Variants in COQ8A observed in about 807,000 individuals in gnomAD.
The protein encoded by COQ8A is coenzyme Q8A.
Under a neutral mutation model 65.0 loss-of-function variants are expected in COQ8A, and 51 were observed. The ratio of observed to expected loss-of-function variants is 0.78; its 90% CI spans 0.63 to 0.99. The LOEUF (loss-of-function observed/expected upper bound fraction) is 0.99. Ranked by LOEUF, COQ8A falls within the 50% of genes least tolerant of loss-of-function variation. The pLI, the probability that COQ8A is intolerant of heterozygous loss-of-function variation, is 0.00. For synonymous variants in COQ8A, 371 were observed against 353.2 expected (o/e 1.05, Z -0.57); for missense variants, 940 against 875.0 (o/e 1.07, Z -0.94).
intron 4 of COQ8A, among the ~76,000 whole-genome samples, chr1:226,974,516 A>T (rs1386627020): frequency 2.0e-5 from 3 of 152,042 alleles, no homozygotes; most frequent in African/African-American, 4.8e-5. Context: ...GGACCCGGGG[A>T]GTGCCGGCTG....
chr1:226,962,207 C>G (rs1455182415), intron 2 of COQ8A, among the ~76,000 whole-genome samples: 1 of 152,234 alleles, frequency 6.6e-6, no homozygotes, highest in South Asian at 2.1e-4. Context: ...TCTCTGCACT[C>G]CTGACTGGGG....
chr1:226,981,895 GT>G (rs1659718175), intron 5 of COQ8A, 131 bp from the exon 6 acceptor site: 2 of 1,380,260 alleles, frequency 1.4e-6, no homozygotes, highest in East Asian at 4.7e-5. Flanking sequence ...ACAGTAGTTA[GT>G]TATGTTGCTG....
intron 5 of COQ8A, among the ~76,000 whole-genome samples, chr1:226,977,872 A>C (rs1211129437): frequency 6.7e-6 from 1 of 148,526 alleles, no homozygotes; most frequent in African/African-American, 2.5e-5. Context: ...CCCACCGAAC[A>C]CCCGCAGACC....
At chr1:226,983,338 T>TCCCAGG in intron 8 of COQ8A, 1 of 673,202 alleles carries the variant, frequency 1.5e-6, no homozygotes, top group Non-Finnish European at 2.6e-6. Flanking sequence ...CGTGAGCTGT[T>TCCCAGG]CCCAGGGGTG....
At position 226,986,815 on chromosome 1, in the gene COQ8A, G is replaced by T; in HGVS notation, c.*78G>T. The T allele has an allele frequency of 6.5e-7, 1 of 1,535,810 alleles. No individual in the cohort carries two copies. The highest frequency in any genetic ancestry group is 8.8e-7 in the Non-Finnish European group (1 of 1,140,442). ...GCCAAAAACCAGTAGCGAGGTCGTGGTGATGCTCTTTTTAACTCCTTTGCC... is the reference window on the plus strand; with the variant it reads ...GCCAAAAACCAGTAGCGAGGTCGTGTTGATGCTCTTTTTAACTCCTTTGCC... On this transcript the variant is annotated 3_prime_UTR_variant, in exon 15 of 15. Transcript: ENST00000366777.
intron 11 of COQ8A, 73 bp from the exon 12 acceptor site, chr1:226,984,475 T>C: frequency 7.1e-7 from 1 of 1,405,662 alleles, no homozygotes; most frequent in Non-Finnish European, 1.0e-6. Flanking sequence ...GGCAGGGGCT[T>C]CTCTGGCCCC....
At chr1:226,978,466 CCCA>C (rs1431512340) in intron 5 of COQ8A, among the ~76,000 whole-genome samples, 1 of 149,130 alleles carries the variant, frequency 6.7e-6, no homozygotes, top group Non-Finnish European at 1.5e-5. Context: ...ACCCTCCACA[CCCA>C]CCAAATACCT....
chr1:226,978,492 A>G (rs1659433458), intron 5 of COQ8A, among the ~76,000 whole-genome samples: 1 of 134,132 alleles, frequency 7.5e-6, no homozygotes. Flanking sequence ...ACACCTCCTT[A>G]CACATCCTCC....
chr1:226,963,698 AGGTTCAAGC>A (rs1171587860), intron 2 of COQ8A, among the ~76,000 whole-genome samples: 1 of 152,128 alleles, frequency 6.6e-6, no homozygotes, highest in Non-Finnish European at 1.5e-5. Context: ...TCCGCCTCCC[AGGTTCAAGC>A]GATTCTCCTG....
intron 4 of COQ8A, among the ~76,000 whole-genome samples, chr1:226,976,495 G>A (rs1659242953): frequency 6.6e-6 from 1 of 152,126 alleles, no homozygotes; most frequent in Non-Finnish European, 1.5e-5. Flanking sequence ...CCGGCTCATC[G>A]TGCGGCCGCT....
At chr1:226,964,870 C>A in intron 2 of COQ8A, 130 bp from the exon 3 acceptor site, 1 of 1,075,458 alleles carries the variant, frequency 9.3e-7, no homozygotes, top group African/African-American at 1.5e-5. Flanking sequence ...TCAGGTGCAG[C>A]ACTGTGCCAC....
At chr1:226,966,889 T>C (rs1658601793) in intron 4 of COQ8A, among the ~76,000 whole-genome samples, 1 of 152,200 alleles carries the variant, frequency 6.6e-6, no homozygotes, top group Admixed American at 6.5e-5. Context: ...CATTGAATGA[T>C]GGCTGGCCCC....
At chr1:226,966,012 C>T (rs1466678379) in intron 4 of COQ8A, among the ~76,000 whole-genome samples, 2 of 152,258 alleles carry the variant, frequency 1.3e-5, no homozygotes, top group Admixed American at 1.3e-4. Flanking sequence ...GCAGGCCTCG[C>T]CTGGAGGCGG....
intron 14 of COQ8A, among the ~76,000 whole-genome samples, 161 bp from the exon 15 acceptor site, chr1:226,986,292 C>T (rs1000910959): frequency 4.6e-5 from 7 of 152,218 alleles, no homozygotes; most frequent in African/African-American, 1.4e-4. Flanking sequence ...CTCGTGTTCC[C>T]GGCCCCTGTG....
chr1:226,960,325 GGTATCAGTGGTA>G (rs1658108779), intron 1 of COQ8A, among the ~76,000 whole-genome samples: 3 of 126,484 alleles, frequency 2.4e-5, no homozygotes, highest in Admixed American at 7.9e-5. Flanking sequence ...ACTTGGTGGT[GGTATCAGTGGTA>G]CTTGGTGGTG....
rs1441502129 is a variant in COQ8A, at chr1:226,984,223, G to T, written c.1386G>T (p.Glu462Asp). Reference sequence around the variant, plus strand: ...ACCAGGCCGAAGGGCTCAGCCAGGAGATTCGGAACGAGGTTTGTCTGTGCC... The same window carrying T: ...ACCAGGCCGAAGGGCTCAGCCAGGATATTCGGAACGAGGTTTGTCTGTGCC... ...PLDQAEGLSQ[E>D]IRNEICYNIL... Residue 462 changes from glutamate to aspartate, a missense_variant, in exon 11 of 15, where the codon GAG (glutamate) becomes GAT (aspartate). Transcript: ENST00000366777. 1 of 1,613,592 alleles carries T rather than the reference G, an allele frequency of 6.2e-7. No individual in the cohort carries two copies. Among genetic ancestry groups the T allele is most frequent in the Non-Finnish European group, 8.5e-7 (1 of 1,180,008 alleles).
chr1:226,943,921 G>A (rs1656843733), intron 1 of COQ8A, among the ~76,000 whole-genome samples: 1 of 152,130 alleles, frequency 6.6e-6, no homozygotes, highest in African/African-American at 2.4e-5. Context: ...AAATGGGTTC[G>A]GTTGTTGAGA....
chr1:226,940,897 G>C (rs1158772550), intron 1 of COQ8A, among the ~76,000 whole-genome samples: 2 of 152,186 alleles, frequency 1.3e-5, no homozygotes, highest in African/African-American at 4.8e-5. Context: ...GCCAGCTGTT[G>C]GGCTTCGCAG....
intron 6 of COQ8A, 125 bp downstream of exon 6, chr1:226,982,274 T>A: frequency 7.2e-7 from 1 of 1,388,556 alleles, no homozygotes; most frequent in Non-Finnish European, 9.7e-7. Context: ...TGGGGAGAGA[T>A]CTTAGAAGAT....
Sources: allele counts gnomAD v4.1 joint callset (sites outside exome capture counted in the v4.1 genomes callset), GRCh38; gene constraint gnomAD v4.1.1; transcripts MANE v1.5; gene names NCBI Gene and HGNC (gene_info 2026-07-23, HGNC 2026-07-21).